The following NAA11 variants were observed in gnomAD, a reference collection of about 807,000 sequenced individuals.
The protein encoded by NAA11 is N-alpha-acetyltransferase 11, NatA catalytic subunit, also known as N-alpha-acetyltransferase 11.
A neutral mutation model predicts 16.1 loss-of-function variants in NAA11; 15 were observed. The observed-to-expected ratio is 0.93, with a 90% CI of 0.62 to 1.44. The LOEUF is 1.44. Ranked by LOEUF, NAA11 falls within the 40% of genes most tolerant of loss-of-function variation. The probability of loss-of-function intolerance (pLI) is 0.00; values close to 1 mark genes in which losing one functional copy is unlikely to be tolerated. For synonymous variants in NAA11, 122 were observed against 112.4 expected (o/e 1.09, Z -0.54); for missense variants, 298 against 291.3 (o/e 1.02, Z -0.17).
At chr4:79,214,268 A>C in the NAA11 span, among the ~76,000 whole-genome samples, 16 of 152,224 alleles carry the variant, frequency 1.1e-4, no homozygotes, top group Non-Finnish European at 1.2e-4. Context: ...CAGAAATGTT[A>C]ATGCAATGGA....
the NAA11 span, among the ~76,000 whole-genome samples, chr4:79,188,324 GCCTGTAATC>G: frequency 1.3e-5 from 2 of 152,152 alleles, no homozygotes; most frequent in Non-Finnish European, 2.9e-5. Flanking sequence ...GGTGGCTCAC[GCCTGTAATC>G]CCAGCACTTT....
chr4:79,161,910 T>C, the NAA11 span, among the ~76,000 whole-genome samples: 3 of 152,166 alleles, frequency 2.0e-5, no homozygotes, highest in Non-Finnish European at 2.9e-5. Context: ...CTCGAACTCC[T>C]GACCTCATGA....
At chr4:79,228,436 C>T (rs1721375664) in intron 2 of NAA11, among the ~76,000 whole-genome samples, 1 of 151,928 alleles carries the variant, frequency 6.6e-6, no homozygotes, top group African/African-American at 2.4e-5. Flanking sequence ...TAACCATCAC[C>T]ACAATCAAAA....
chr4:79,183,664 T>C, the NAA11 span, among the ~76,000 whole-genome samples: 2 of 152,174 alleles, frequency 1.3e-5, no homozygotes, highest in African/African-American at 4.8e-5. Context: ...CCTTTTTTTT[T>C]TATCATTGGC....
intron 2 of NAA11, among the ~76,000 whole-genome samples, chr4:79,283,635 A>G (rs1163170165): frequency 6.6e-6 from 1 of 152,098 alleles, no homozygotes; most frequent in African/African-American, 2.4e-5. Context: ...AAAATCTCTA[A>G]GGGTATGTGC....
intron 1 of NAA11, among the ~76,000 whole-genome samples, chr4:79,320,119 C>T (rs1038150182): frequency 6.6e-6 from 1 of 152,168 alleles, no homozygotes; most frequent in Non-Finnish European, 1.5e-5. Flanking sequence ...AGTTTGATGA[C>T]ATTCCTGCCT....
the NAA11 span, among the ~76,000 whole-genome samples, chr4:79,189,185 ATTT>A: frequency 1.4e-5 from 2 of 146,792 alleles, no homozygotes; most frequent in African/African-American, 4.9e-5. Context: ...AGGCAGAGAT[ATTT>A]CAAAGAGACA....
chr4:79,307,874 T>TGTAAAG (rs1226941301), intron 1 of NAA11, among the ~76,000 whole-genome samples: 2 of 152,214 alleles, frequency 1.3e-5, no homozygotes, highest in Non-Finnish European at 2.9e-5. Flanking sequence ...TTTACTTCTT[T>TGTAAAG]GACCATGTAA....
intron 2 of NAA11, among the ~76,000 whole-genome samples, chr4:79,252,951 T>G (rs997473230): frequency 2.0e-5 from 3 of 152,146 alleles, no homozygotes; most frequent in Non-Finnish European, 4.4e-5. Context: ...CAAGAGAGAA[T>G]GCAGGGAGAC....
At chr4:79,306,459 C>T (rs1482071833) in intron 1 of NAA11, among the ~76,000 whole-genome samples, 1 of 152,086 alleles carries the variant, frequency 6.6e-6, no homozygotes, top group Non-Finnish European at 1.5e-5. Flanking sequence ...TATAAGGATA[C>T]TAGTCAAATC....
At chr4:79,224,281 G>A (rs1021351198), downstream of NAA11, among the ~76,000 whole-genome samples, 1 of 152,096 alleles carries the variant, frequency 6.6e-6, no homozygotes, top group South Asian at 2.1e-4. Flanking sequence ...GGGTCAAGAG[G>A]CAAGTCACAA....
At chr4:79,313,741 TA>T (rs1278840352), downstream of NAA11, among the ~76,000 whole-genome samples, 1 of 152,136 alleles carries the variant, frequency 6.6e-6, no homozygotes, top group Non-Finnish European at 1.5e-5. Flanking sequence ...AGTATTAATA[TA>T]AAAAAGGACC....
chr4:79,209,092 C>T, the NAA11 span, among the ~76,000 whole-genome samples: 3 of 152,006 alleles, frequency 2.0e-5, no homozygotes, highest in African/African-American at 7.2e-5. Flanking sequence ...TGTAAATGGA[C>T]AGGCTGGTGA....
At chr4:79,230,921 A>G (rs771750324) in intron 2 of NAA11, among the ~76,000 whole-genome samples, 8 of 152,014 alleles carry the variant, frequency 5.3e-5, no homozygotes, top group Non-Finnish European at 1.0e-4. Flanking sequence ...CCAAAATTTT[A>G]TTAGAGCCCC....
At chr4:79,189,564 A>T in the NAA11 span, among the ~76,000 whole-genome samples, 9 of 146,872 alleles carry the variant, frequency 6.1e-5, no homozygotes, top group African/African-American at 2.3e-4. Flanking sequence ...ATGTCCCTGC[A>T]GGTAATTCTG....
chr4:79,189,158 A>AAAAAAAAAAAAAAAAC, the NAA11 span, among the ~76,000 whole-genome samples: 4 of 148,124 alleles, frequency 2.7e-5, 1 homozygote, highest in Non-Finnish European at 4.5e-5. Context: ...AAAAAAAAAA[A>AAAAAAAAAAAAAAAAC]AAAAAACTTA....
chr4:79,266,654 G>A (rs1722351899), intron 2 of NAA11, among the ~76,000 whole-genome samples: 1 of 152,170 alleles, frequency 6.6e-6, no homozygotes, highest in Non-Finnish European at 1.5e-5. Flanking sequence ...CACAAGGAAA[G>A]AATAATTTTA....
At chr4:79,220,918 T>C (rs935220833), downstream of NAA11, among the ~76,000 whole-genome samples, 91 of 152,120 alleles carry the variant, frequency 6.0e-4, 1 homozygote, top group African/African-American at 2.1e-3. Flanking sequence ...AAGAAAGTCA[T>C]TGGTAGCTTG....
intron 2 of NAA11, among the ~76,000 whole-genome samples, chr4:79,243,812 G>GAGATACA (rs1455670104): frequency 2.0e-5 from 3 of 152,196 alleles, no homozygotes; most frequent in African/African-American, 7.2e-5. Context: ...TAACTTGGAA[G>GAGATACA]AGATACAAGA....
Sources: gnomAD v4.1 joint callset for allele counts (sites outside exome capture counted in the v4.1 genomes callset) on GRCh38, gnomAD v4.1.1 for gene constraint, MANE v1.5 for transcripts, NCBI Gene and HGNC (gene_info 2026-07-23, HGNC 2026-07-21) for gene names.